The following NAALADL2 variants were observed in gnomAD, a reference collection of about 807,000 sequenced individuals.
NAALADL2 encodes N-acetylated alpha-linked acidic dipeptidase like 2.
A neutral mutation model predicts 87.2 loss-of-function variants in NAALADL2; 76 were observed. The ratio of observed to expected loss-of-function variants is 0.87; its 90% CI spans 0.72 to 1.05. The LOEUF (loss-of-function observed/expected upper bound fraction) is 1.05, where lower values mean the gene tolerates loss of function less well. Ranked by LOEUF, NAALADL2 falls within the 50% of genes least tolerant of loss-of-function variation. NAALADL2 has a pLI of 0.00. For missense variants in NAALADL2, 1,089 were observed against 945.8 expected (o/e 1.15, Z -1.99); for synonymous variants, 354 against 331.0 (o/e 1.07, Z -0.75).
chr3:175,021,435 C>A (rs554595269), intron 1 of NAALADL2, among the ~76,000 whole-genome samples: 3 of 152,182 alleles, frequency 2.0e-5, no homozygotes, highest in Non-Finnish European at 4.4e-5. Flanking sequence ...AAAAAAGATA[C>A]AACCCAGGTC....
intron 1 of NAALADL2, among the ~76,000 whole-genome samples, chr3:175,088,034 T>C (rs182377982): frequency 2.0e-5 from 3 of 152,272 alleles, no homozygotes; most frequent in African/African-American, 4.8e-5. Context: ...TCCTACTACA[T>C]AGGAAAATAT....
intron 9 of NAALADL2, among the ~76,000 whole-genome samples, chr3:175,544,510 T>C (rs1248182392): frequency 6.6e-6 from 1 of 152,212 alleles, no homozygotes; most frequent in African/African-American, 2.4e-5. Flanking sequence ...TTTTCGTATC[T>C]TCTTTTTCCA....
intron 1 of NAALADL2, among the ~76,000 whole-genome samples, chr3:175,022,045 C>T (rs1254247465): frequency 6.6e-6 from 1 of 151,930 alleles, no homozygotes; most frequent in Non-Finnish European, 1.5e-5. Flanking sequence ...TTAAATAGAG[C>T]TTGGTACCTC....
chr3:174,819,095 G>A (rs1434078746), intron 3 of NAALADL2, among the ~76,000 whole-genome samples: 4 of 66,582 alleles, frequency 6.0e-5, no homozygotes, highest in Non-Finnish European at 1.1e-4. Context: ...TTGGAGACAG[G>A]ATTTCCTTCT....
At chr3:175,345,857 A>G (rs1195665563) in intron 5 of NAALADL2, among the ~76,000 whole-genome samples, 1 of 152,180 alleles carries the variant, frequency 6.6e-6, no homozygotes, top group Non-Finnish European at 1.5e-5. Flanking sequence ...CATGATCTTC[A>G]TGTGGATACC....
chr3:174,447,377 G>A (rs1016010074), intron 1 of NAALADL2, among the ~76,000 whole-genome samples: 3 of 152,120 alleles, frequency 2.0e-5, no homozygotes, highest in African/African-American at 4.8e-5. Context: ...AGAGGGCTCC[G>A]AGCCATAGAT....
At chr3:174,555,974 CGTGTGTGTGTGTGTGT>C (rs66968495) in intron 2 of NAALADL2, among the ~76,000 whole-genome samples, 2 of 142,540 alleles carry the variant, frequency 1.4e-5, no homozygotes, top group Non-Finnish European at 3.0e-5. Context: ...CCTTATCCTC[CGTGTGTGTGTGTGTGT>C]GTGTGTGTGT....
chr3:174,999,099 C>A (rs891214165), intron 1 of NAALADL2, among the ~76,000 whole-genome samples: 1 of 152,006 alleles, frequency 6.6e-6, no homozygotes, highest in African/African-American at 2.4e-5. Flanking sequence ...TACTGGTTTT[C>A]CAGTATTTAG....
chr3:174,908,052 G>T (rs1733196858), intron 1 of NAALADL2, among the ~76,000 whole-genome samples: 1 of 106,254 alleles, frequency 9.4e-6, no homozygotes, highest in East Asian at 3.0e-4. Context: ...TTTGGCCTGA[G>T]ATAAAATAAT....
chr3:175,664,040 T>G (rs1388772283), intron 11 of NAALADL2, among the ~76,000 whole-genome samples: 3 of 152,046 alleles, frequency 2.0e-5, no homozygotes, highest in Non-Finnish European at 4.4e-5. Context: ...TATATTTCAC[T>G]GGGCAATAAC....
intron 4 of NAALADL2, among the ~76,000 whole-genome samples, chr3:175,296,600 A>G (rs543448318): frequency 2.6e-5 from 4 of 152,054 alleles, no homozygotes; most frequent in African/African-American, 9.6e-5. Flanking sequence ...CTTTTGGGAG[A>G]TATATTTATT....
At chr3:175,715,765 C>T (rs116333261) in intron 11 of NAALADL2, among the ~76,000 whole-genome samples, 7,321 of 152,118 alleles carry the variant, frequency 0.048, 225 homozygotes, top group African/African-American at 0.085. Flanking sequence ...ATCCCAGCTA[C>T]TCAGAAGACT....
At chr3:175,730,435 T>TAC (rs1743571847) in intron 11 of NAALADL2, among the ~76,000 whole-genome samples, 1 of 82,276 alleles carries the variant, frequency 1.2e-5, no homozygotes, top group Non-Finnish European at 2.6e-5. Flanking sequence ...TATATATATA[T>TAC]ATATATATAC....
intron 9 of NAALADL2, among the ~76,000 whole-genome samples, chr3:175,573,919 A>G (rs1249392699): frequency 2.0e-5 from 3 of 152,244 alleles, no homozygotes. Context: ...TAATCAGCCA[A>G]AATAGTTGTA....
At chr3:174,529,755 A>C (rs1336291180) in intron 1 of NAALADL2, among the ~76,000 whole-genome samples, 1 of 152,144 alleles carries the variant, frequency 6.6e-6, no homozygotes, top group Non-Finnish European at 1.5e-5. Context: ...GCACCCTCTG[A>C]AGCCACAACC....
At chr3:174,708,529 A>G (rs1397400246) in intron 2 of NAALADL2, among the ~76,000 whole-genome samples, 1 of 152,192 alleles carries the variant, frequency 6.6e-6, no homozygotes, top group African/African-American at 2.4e-5. Context: ...GTTAGGGACC[A>G]TTATGTTTGT....
chr3:175,727,023 T>G (rs1352620282), intron 11 of NAALADL2, among the ~76,000 whole-genome samples: 1 of 152,180 alleles, frequency 6.6e-6, no homozygotes, highest in Non-Finnish European at 1.5e-5. Flanking sequence ...CCCAACTCTT[T>G]CATAATCAAA....
At chr3:174,515,736 T>C (rs1477440739) in intron 1 of NAALADL2, among the ~76,000 whole-genome samples, 1 of 150,384 alleles carries the variant, frequency 6.6e-6, no homozygotes, top group Non-Finnish European at 1.5e-5. Flanking sequence ...AGATAATATA[T>C]AATTGGATTG....
intron 4 of NAALADL2, among the ~76,000 whole-genome samples, chr3:175,323,346 G>C (rs1285587560): frequency 8.7e-6 from 1 of 115,592 alleles, no homozygotes; most frequent in Admixed American, 1.0e-4. Flanking sequence ...GGTGGGGTGG[G>C]GGGAGGGGGG....
Sources: gnomAD v4.1 joint callset for allele counts (sites outside exome capture counted in the v4.1 genomes callset) on GRCh38, gnomAD v4.1.1 for gene constraint, MANE v1.5 for transcripts, NCBI Gene and HGNC (gene_info 2026-07-23, HGNC 2026-07-21) for gene names.